Variants in GPM6A observed in about 807,000 individuals in gnomAD.
GPM6A encodes neuronal membrane glycoprotein M6-a.
GPM6A carries 7 observed loss-of-function variants against 32.1 expected under a neutral mutation model. The observed-to-expected ratio is 0.22, with a 90% CI of 0.12 to 0.41. The LOEUF (loss-of-function observed/expected upper bound fraction) is 0.41, where lower values mean the gene tolerates loss of function less well. Among genes scored for constraint, GPM6A ranks in the 10% least tolerant of loss-of-function variants. The pLI is 1.00. For synonymous variants in GPM6A, 130 were observed against 123.4 expected, an observed-to-expected ratio of 1.05 and a Z score of -0.35; for missense variants, 235 against 347.2, an observed-to-expected ratio of 0.68 and a Z score of 2.57.
intron 1 of GPM6A, among the ~76,000 whole-genome samples, chr4:175,914,510 A>ACAGGGTTTCATCATGTTGG (rs1222964868): frequency 1.3e-5 from 2 of 152,078 alleles, no homozygotes; most frequent in Non-Finnish European, 2.9e-5. Context: ...TTGAGTAGAG[A>ACAGGGTTTCATCATGTTGG]CAGGGTTTCA....
At chr4:175,950,484 A>G (rs1739771027) in intron 1 of GPM6A, among the ~76,000 whole-genome samples, 1 of 152,218 alleles carries the variant, frequency 6.6e-6, no homozygotes, top group African/African-American at 2.4e-5. Flanking sequence ...CAAAACTTAA[A>G]TATTCCAGGT....
At chr4:175,983,160 A>G (rs529247438) in intron 1 of GPM6A, among the ~76,000 whole-genome samples, 166 of 152,318 alleles carry the variant, frequency 1.1e-3, no homozygotes, top group Non-Finnish European at 9.4e-4. Context: ...GAAGGAGGAA[A>G]GCTATGAGGA....
chr4:175,859,186 TG>T (rs1736501795), intron 1 of GPM6A, among the ~76,000 whole-genome samples: 1 of 152,206 alleles, frequency 6.6e-6, no homozygotes, highest in Non-Finnish European at 1.5e-5. Flanking sequence ...TGTATAAATA[TG>T]TTGAAATGTC....
chr4:175,930,132 GAAT>G (rs755651575), intron 1 of GPM6A, among the ~76,000 whole-genome samples: 30 of 152,190 alleles, frequency 2.0e-4, no homozygotes, highest in Non-Finnish European at 2.5e-4. Context: ...CTCCAGAGAT[GAAT>G]AATGTTAGTC....
intron 1 of GPM6A, among the ~76,000 whole-genome samples, chr4:175,997,017 C>T (rs1461635947): frequency 6.6e-6 from 1 of 151,946 alleles, no homozygotes; most frequent in African/African-American, 2.4e-5. Context: ...TTGTGGAAAA[C>T]CCAAGCCACT....
chr4:175,903,800 T>C (rs1738040860), intron 1 of GPM6A, among the ~76,000 whole-genome samples: 1 of 152,086 alleles, frequency 6.6e-6, no homozygotes, highest in Admixed American at 6.6e-5. Context: ...AGAACCATGA[T>C]AACAAGTCCA....
At chr4:175,990,919 T>C (rs1741117686) in intron 1 of GPM6A, among the ~76,000 whole-genome samples, 2 of 152,114 alleles carry the variant, frequency 1.3e-5, no homozygotes, top group Non-Finnish European at 2.9e-5. Context: ...TCTATGCCTT[T>C]TTTACCTAAG....
At chr4:175,777,099 T>C (rs1733426094) in intron 1 of GPM6A, among the ~76,000 whole-genome samples, 1 of 152,046 alleles carries the variant, frequency 6.6e-6, no homozygotes, top group Non-Finnish European at 1.5e-5. Flanking sequence ...AGGAAGATTG[T>C]AGTAGGGAAG....
chr4:175,914,085 A>C (rs1323481069), intron 1 of GPM6A, among the ~76,000 whole-genome samples: 2 of 151,602 alleles, frequency 1.3e-5, no homozygotes, highest in African/African-American at 4.9e-5. Flanking sequence ...TTTCCCTAAG[A>C]GGGTTTTTAG....
chr4:175,900,045 C>T (rs1288808234), intron 1 of GPM6A, among the ~76,000 whole-genome samples: 2 of 151,732 alleles, frequency 1.3e-5, no homozygotes, highest in South Asian at 2.1e-4. Context: ...GTTGGGAGGC[C>T]GAGGCAGGCG....
intron 1 of GPM6A, among the ~76,000 whole-genome samples, chr4:175,919,331 C>T (rs185455697): frequency 3.3e-5 from 5 of 152,242 alleles, no homozygotes; most frequent in Admixed American, 6.5e-5. Flanking sequence ...TCCACCATAA[C>T]CTGCTTAAAT....
intron 1 of GPM6A, among the ~76,000 whole-genome samples, chr4:175,878,219 C>T (rs1472681842): frequency 4.6e-5 from 7 of 152,138 alleles, no homozygotes; most frequent in African/African-American, 4.8e-5. Context: ...TGGTACAAGC[C>T]GTCAGTGGAT....
At position 175,701,692 on chromosome 4, in the gene GPM6A, G is replaced by A. The variant is rs867058508; in HGVS notation, c.113C>T (p.Ala38Val). Residue 38 changes from alanine to valine, a missense_variant, in exon 2 of 7, where the codon GCG (alanine) becomes GTG (valine). Around this residue, in one of 3 missense-constraint regions of GPM6A, gnomAD observed 101 missense variants for 171.2 expected, o/e 0.59. Transcript: ENST00000393658. ...ASLIATILLY[A>V]GVALFCGCGH... ...GCAGCCACAGAACAGGGCAACACCCGCATAGAGCAGGATGGTGGCAATCAG... is the reference window on the plus strand; with the variant it reads ...GCAGCCACAGAACAGGGCAACACCCACATAGAGCAGGATGGTGGCAATCAG... 3 of 1,613,670 alleles carry A rather than the reference G, an allele frequency of 1.9e-6. No individual in the cohort carries two copies. Among genetic ancestry groups the A allele is most frequent in the Non-Finnish European group, 2.5e-6 (3 of 1,179,590 alleles).
At chr4:175,937,178 G>A (rs1355499330) in intron 1 of GPM6A, among the ~76,000 whole-genome samples, 1 of 152,018 alleles carries the variant, frequency 6.6e-6, no homozygotes, top group Non-Finnish European at 1.5e-5. Context: ...CTTTGACTTA[G>A]AAATTTCACT....
intron 1 of GPM6A, among the ~76,000 whole-genome samples, chr4:175,918,024 TAA>T (rs1405398492): frequency 6.6e-6 from 1 of 152,042 alleles, no homozygotes; most frequent in Non-Finnish European, 1.5e-5. Flanking sequence ...CCCATCAAGA[TAA>T]AAGAGTAAAT....
intron 1 of GPM6A, among the ~76,000 whole-genome samples, chr4:175,915,365 C>T (rs1738459368): frequency 6.6e-6 from 1 of 151,408 alleles, no homozygotes; most frequent in Admixed American, 6.6e-5. Context: ...CAGCTCACTG[C>T]AACCTCTGCC....
chr4:175,637,307 T>C (rs1438667810), intron 6 of GPM6A, among the ~76,000 whole-genome samples: 1 of 71,628 alleles, frequency 1.4e-5, no homozygotes, highest in Non-Finnish European at 2.4e-5. Flanking sequence ...TTATATATTA[T>C]ATATAATATA....
chr4:175,921,600 T>A (rs1738671351), intron 1 of GPM6A, among the ~76,000 whole-genome samples: 1 of 152,188 alleles, frequency 6.6e-6, no homozygotes, highest in African/African-American at 2.4e-5. Flanking sequence ...AAATAATTCC[T>A]AGGAAAAAAT....
chr4:175,687,406 A>G (rs1269731522), intron 2 of GPM6A, among the ~76,000 whole-genome samples: 3 of 152,032 alleles, frequency 2.0e-5, no homozygotes, highest in Non-Finnish European at 4.4e-5. Context: ...GATAGTTCAT[A>G]TAAATAAAAT....
Sources: gnomAD v4.1 joint callset for allele counts (sites outside exome capture counted in the v4.1 genomes callset) on GRCh38, gnomAD v4.1.1 for gene constraint, gnomAD v4.1.1 regional missense constraint, MANE v1.5 for transcripts, NCBI Gene and HGNC (gene_info 2026-07-23, HGNC 2026-07-21) for gene names.